UNC13C: variants seen among roughly 807,000 people sequenced by gnomAD.
UNC13C encodes unc-13 homolog C, also known as protein unc-13 homolog C.
Under a neutral mutation model 245.4 loss-of-function variants are expected in UNC13C, and 174 were observed. That is an observed-to-expected ratio of 0.71 (90% confidence interval 0.63 to 0.80). UNC13C has a LOEUF of 0.80. UNC13C is among the 30% of genes least tolerant of loss of function. The pLI is 0.00. For missense variants in UNC13C, 2,829 were observed against 2,602.9 expected, an observed-to-expected ratio of 1.09 and a Z score of -1.89; for synonymous variants, 992 against 895.1, an observed-to-expected ratio of 1.11 and a Z score of -1.93.
At chr15:54,433,068 C>T (rs1014637254) in intron 19 of UNC13C, among the ~76,000 whole-genome samples, 3 of 151,954 alleles carry the variant, frequency 2.0e-5, no homozygotes, top group African/African-American at 7.2e-5. Flanking sequence ...CCTGAATAGA[C>T]TAATAACAAG....
At chr15:54,211,752 C>T (rs937914979) in intron 4 of UNC13C, among the ~76,000 whole-genome samples, 4 of 152,100 alleles carry the variant, frequency 2.6e-5, no homozygotes, top group Non-Finnish European at 4.4e-5. Context: ...CCATATTTGG[C>T]AGATCTAACA....
the UNC13C span, among the ~76,000 whole-genome samples, chr15:53,965,225 A>G: frequency 6.6e-6 from 1 of 152,154 alleles, no homozygotes; most frequent in African/African-American, 2.4e-5. Context: ...TTACGTGCCT[A>G]TCAACTGGTT....
chr15:54,236,507 G>A, intron 6 of UNC13C, 72 bp downstream of exon 6: 1 of 1,149,548 alleles, frequency 8.7e-7, no homozygotes, highest in South Asian at 1.4e-5. Flanking sequence ...TACTCATGGG[G>A]TAAAAGAGGG....
intron 18 of UNC13C, among the ~76,000 whole-genome samples, chr15:54,395,090 A>G (rs570401063): frequency 6.6e-6 from 1 of 151,838 alleles, no homozygotes; most frequent in East Asian, 1.9e-4. Context: ...GCCTTCCTCT[A>G]TTTGGAATCC....
chr15:54,318,665 G>T (rs138219161), intron 13 of UNC13C, among the ~76,000 whole-genome samples: 275 of 151,906 alleles, frequency 1.8e-3, no homozygotes, highest in African/African-American at 6.3e-3. Context: ...TGTTACAGTT[G>T]ATTACAGTTG....
At chr15:53,952,579 T>C in the UNC13C span, among the ~76,000 whole-genome samples, 1 of 152,204 alleles carries the variant, frequency 6.6e-6, no homozygotes, top group Non-Finnish European at 1.5e-5. Flanking sequence ...AATACTGACT[T>C]CTTTCTGGCT....
Position 54,013,268 on chromosome 15 carries a change from C to T in UNC13C, c.365C>T (p.Ser122Leu). The T allele has an allele frequency of 6.2e-7, 1 of 1,613,688 alleles. No individual in the cohort carries two copies. The highest frequency in any genetic ancestry group is 8.5e-7 in the Non-Finnish European group (1 of 1,179,780). Residue 122 changes from serine (S) to leucine (L), a missense_variant, in exon 2 of 33, where the codon TCA becomes TTA. Transcript: ENST00000260323. ...GAGGATCTGCTTCAAGAGCTCTCTT[C>T]AATCGAGAGTTCCTACTCAGAATCA... ...DNEDLLQELS[S>L]IESSYSESLN... is the part of the protein sequence containing the mutation.
intron 19 of UNC13C, among the ~76,000 whole-genome samples, chr15:54,430,079 C>A (rs868802085): frequency 6.6e-5 from 10 of 151,586 alleles, no homozygotes; most frequent in African/African-American, 2.4e-4. Flanking sequence ...ATACATTCAG[C>A]ATTTTTTTAA....
chr15:54,184,477 C>T (rs1216151619), intron 4 of UNC13C, among the ~76,000 whole-genome samples: 1 of 152,042 alleles, frequency 6.6e-6, no homozygotes, highest in Admixed American at 6.6e-5. Context: ...TCCATGTGTT[C>T]TCTTCGATCA....
intron 4 of UNC13C, among the ~76,000 whole-genome samples, chr15:54,196,173 T>C (rs2034346759): frequency 6.6e-6 from 1 of 152,138 alleles, no homozygotes; most frequent in South Asian, 2.1e-4. Flanking sequence ...AAATATAATC[T>C]CCTTAAGTAT....
At chr15:54,188,674 G>T (rs911320328) in intron 4 of UNC13C, among the ~76,000 whole-genome samples, 2 of 152,092 alleles carry the variant, frequency 1.3e-5, no homozygotes, top group African/African-American at 4.8e-5. Flanking sequence ...CTGTATATTA[G>T]CCCTTATTTG....
At chr15:54,274,718 C>T (rs1255034417) in intron 10 of UNC13C, among the ~76,000 whole-genome samples, 2 of 138,466 alleles carry the variant, frequency 1.4e-5, no homozygotes, top group East Asian at 4.2e-4. Flanking sequence ...GTCGCCCAGG[C>T]TGGGGTGCAG....
At chr15:53,909,587 A>G in the UNC13C span, among the ~76,000 whole-genome samples, 1 of 146,372 alleles carries the variant, frequency 6.8e-6, no homozygotes, top group Non-Finnish European at 1.5e-5. Context: ...CCCCGTTTCT[A>G]CTAAAAATAT....
rs368256489 is a variant in UNC13C, at chr15:54,014,687, C to T, written c.1784C>T (p.Ala595Val). The T allele has an allele frequency of 8.1e-6, 13 of 1,613,526 alleles. No individual in the cohort carries two copies. Among genetic ancestry groups the T allele is most frequent in the African/African-American group, 4.0e-5 (3 of 74,876 alleles). The change falls in exon 2 of 33, where the codon GCG becomes GTG. Residue 595 changes from alanine to valine, a missense_variant. Ala to Val is a moderately conservative substitution (Grantham distance 64). Transcript: ENST00000260323. ...ELWQRKQEGT[A>V]TLYDSPKDQH... ...TGGCAGAGGAAACAGGAAGGAACAG[C>T]GACCCTGTATGACAGTCCCAAGGAC...
intron 30 of UNC13C, among the ~76,000 whole-genome samples, chr15:54,580,576 T>C (rs1898155152): frequency 6.6e-6 from 1 of 152,178 alleles, no homozygotes. Flanking sequence ...AATTTTGTCA[T>C]CTGTAAAAAT....
At chr15:54,243,242 T>G (rs2035905526) in intron 7 of UNC13C, among the ~76,000 whole-genome samples, 1 of 152,018 alleles carries the variant, frequency 6.6e-6, no homozygotes, top group African/African-American at 2.4e-5. Context: ...GGGCTTGGTT[T>G]TCTGTTCCTG....
intron 19 of UNC13C, among the ~76,000 whole-genome samples, chr15:54,437,877 C>A (rs776257823): frequency 6.6e-6 from 1 of 151,936 alleles, no homozygotes; most frequent in Non-Finnish European, 1.5e-5. Context: ...AAGGTACTTA[C>A]AAGCAGCTCA....
intron 30 of UNC13C, among the ~76,000 whole-genome samples, chr15:54,599,015 C>T (rs551074987): frequency 1.3e-5 from 2 of 152,242 alleles, no homozygotes. Context: ...TAATCATATT[C>T]TACTTTTCCC....
chr15:54,595,859 A>G (rs1343579001), intron 30 of UNC13C, among the ~76,000 whole-genome samples: 1 of 152,236 alleles, frequency 6.6e-6, no homozygotes, highest in Non-Finnish European at 1.5e-5. Flanking sequence ...TTTTATAGAA[A>G]TGTAGCCAAA....
Sources: allele counts gnomAD v4.1 joint callset (sites outside exome capture counted in the v4.1 genomes callset), GRCh38; gene constraint gnomAD v4.1.1; transcripts MANE v1.5; gene names NCBI Gene and HGNC (gene_info 2026-07-23, HGNC 2026-07-21).